The following ABTB3 variants were observed in gnomAD, a reference collection of about 807,000 sequenced individuals.
ABTB3 encodes ankyrin repeat- and BTB/POZ domain-containing protein 3.
chr12:107,435,594 A>G, the ABTB3 span, among the ~76,000 whole-genome samples: 1 of 152,154 alleles, frequency 6.6e-6, no homozygotes, highest in South Asian at 2.1e-4. Context: ...CTAGGTAACT[A>G]TTTGTTGAAT....
chr12:107,494,250 C>T, the ABTB3 span, among the ~76,000 whole-genome samples: 1 of 152,240 alleles, frequency 6.6e-6, no homozygotes, highest in African/African-American at 2.4e-5. Flanking sequence ...GTGGGGCTCC[C>T]AGGTCAGCAG....
chr12:107,628,891 G>C, the ABTB3 span, among the ~76,000 whole-genome samples: 1 of 152,150 alleles, frequency 6.6e-6, no homozygotes, highest in Non-Finnish European at 1.5e-5. Flanking sequence ...GCCAGAACTA[G>C]GACCCCCTCC....
chr12:107,333,418 C>T, the ABTB3 span, among the ~76,000 whole-genome samples: 3 of 152,094 alleles, frequency 2.0e-5, no homozygotes, highest in Non-Finnish European at 4.4e-5. Flanking sequence ...GGAGAGGTTT[C>T]ATCGTTGTGG....
At chr12:107,395,678 C>T in the ABTB3 span, among the ~76,000 whole-genome samples, 1 of 152,184 alleles carries the variant, frequency 6.6e-6, no homozygotes, top group African/African-American at 2.4e-5. Context: ...CTTGGCCACG[C>T]TCCCCAGGTG....
chr12:107,469,245 G>C, the ABTB3 span, among the ~76,000 whole-genome samples: 3 of 152,306 alleles, frequency 2.0e-5, no homozygotes, highest in East Asian at 5.8e-4. Flanking sequence ...CCTGTGGGTG[G>C]TTGGCTCCCA....
chr12:107,640,074 G>C, the ABTB3 span, among the ~76,000 whole-genome samples: 1 of 152,140 alleles, frequency 6.6e-6, no homozygotes, highest in Non-Finnish European at 1.5e-5. Flanking sequence ...AGTCTTCTCT[G>C]GGGAAATGCT....
At chr12:107,360,533 A>G in the ABTB3 span, among the ~76,000 whole-genome samples, 1 of 152,166 alleles carries the variant, frequency 6.6e-6, no homozygotes, top group Non-Finnish European at 1.5e-5. Context: ...CCAGCCAGCA[A>G]TGACTGTCCC....
the ABTB3 span, among the ~76,000 whole-genome samples, chr12:107,323,016 T>C: frequency 5.5e-3 from 836 of 152,370 alleles, 4 homozygotes; most frequent in African/African-American, 0.019. Flanking sequence ...GAGGCCCTAG[T>C]ACACAGTTGG....
At chr12:107,610,096 C>A in the ABTB3 span, 1 of 1,450,456 alleles carries the variant, frequency 6.9e-7, no homozygotes, top group Non-Finnish European at 9.6e-7. Flanking sequence ...ACATGAAAAG[C>A]AAATGCAATG....
At chr12:107,652,328 G>A in the ABTB3 span, among the ~76,000 whole-genome samples, 5 of 152,318 alleles carry the variant, frequency 3.3e-5, no homozygotes, top group African/African-American at 7.2e-5. Flanking sequence ...GGTGAGAACC[G>A]CCCTTCCAGA....
the ABTB3 span, among the ~76,000 whole-genome samples, chr12:107,373,563 A>G: frequency 6.6e-6 from 1 of 152,224 alleles, no homozygotes; most frequent in Non-Finnish European, 1.5e-5. Flanking sequence ...GATGCTTAAT[A>G]AATGGCAGCT....
the ABTB3 span, among the ~76,000 whole-genome samples, chr12:107,362,355 T>C: frequency 6.6e-6 from 1 of 152,240 alleles, no homozygotes; most frequent in Non-Finnish European, 1.5e-5. Context: ...CCAGCTTCTC[T>C]TCCCAAACTC....
chr12:107,620,633 T>C, the ABTB3 span, among the ~76,000 whole-genome samples: 7 of 152,102 alleles, frequency 4.6e-5, no homozygotes, highest in Non-Finnish European at 7.4e-5. Context: ...TGCAGCTTTC[T>C]GGATAAACAG....
chr12:107,579,870 G>A, the ABTB3 span, among the ~76,000 whole-genome samples: 2 of 152,198 alleles, frequency 1.3e-5, no homozygotes, highest in African/African-American at 2.4e-5. Flanking sequence ...TCTACGTAGT[G>A]CATTTCTCAA....
At chr12:107,538,402 A>G in the ABTB3 span, among the ~76,000 whole-genome samples, 57,337 of 152,082 alleles carry the variant, frequency 0.38, 11,345 homozygotes, top group African/African-American at 0.47. Flanking sequence ...CTAAAGTGCT[A>G]AGAATTATCC....
At chr12:107,444,777 G>T in the ABTB3 span, among the ~76,000 whole-genome samples, 1 of 152,158 alleles carries the variant, frequency 6.6e-6, no homozygotes, top group African/African-American at 2.4e-5. Context: ...AGATTTTATC[G>T]GCAGTGTGGA....
chr12:107,357,708 T>G, the ABTB3 span, among the ~76,000 whole-genome samples: 1 of 152,254 alleles, frequency 6.6e-6, no homozygotes, highest in East Asian at 1.9e-4. Context: ...AAATATCCTT[T>G]CTTTCATGAA....
chr12:107,355,908 C>T, the ABTB3 span, among the ~76,000 whole-genome samples: 5 of 152,186 alleles, frequency 3.3e-5, no homozygotes, highest in African/African-American at 1.2e-4. Flanking sequence ...GGTGTAACAC[C>T]TTCATAAGTC....
chr12:107,334,076 G>A, the ABTB3 span, among the ~76,000 whole-genome samples: 1 of 152,230 alleles, frequency 6.6e-6, no homozygotes, highest in East Asian at 1.9e-4. Context: ...TGAGCCAAGA[G>A]TAATGAAAGG....
Sources: gnomAD v4.1 joint callset for allele counts (sites outside exome capture counted in the v4.1 genomes callset) on GRCh38, gnomAD v4.1.1 for gene constraint, MANE v1.5 for transcripts, NCBI Gene and HGNC (gene_info 2026-07-23, HGNC 2026-07-21) for gene names.